The following ADK variants were observed in gnomAD, a reference collection of about 807,000 sequenced individuals.
ADK encodes the protein N6,N6-dimethyladenosine kinase.
A neutral mutation model predicts 44.7 loss-of-function variants in ADK; 24 were observed. That is an observed-to-expected ratio of 0.54 (90% CI 0.39 to 0.76). ADK has a LOEUF of 0.76. Ranked by LOEUF, ADK falls within the 30% of genes least tolerant of loss-of-function variation. The pLI is 0.00. For missense variants in ADK, 321 were observed against 425.1 expected (o/e 0.76, Z 2.15); for synonymous variants, 128 against 142.6 (o/e 0.90, Z 0.73).
At chr10:74,626,226 T>TTA (rs1464688689) in intron 9 of ADK, among the ~76,000 whole-genome samples, 1 of 152,104 alleles carries the variant, frequency 6.6e-6, no homozygotes, top group Non-Finnish European at 1.5e-5. Context: ...TAGTCATGGT[T>TTA]TAAGGGTCCA....
At chr10:74,217,245 G>A (rs538262029) in intron 2 of ADK, among the ~76,000 whole-genome samples, 48 of 152,332 alleles carry the variant, frequency 3.2e-4, no homozygotes, top group African/African-American at 1.2e-3. Context: ...AGGGTCCTAC[G>A]CCCACGGAGT....
At position 74,528,023 on chromosome 10, in the gene ADK, T is replaced by A. The variant is rs1213369930; in HGVS notation, c.726+2597T>A. On this transcript the variant is annotated intron_variant, in intron 7 of 10. Coordinates refer to ENST00000539909, the MANE Select transcript of ADK (RefSeq NM_006721.4). ...AGAAAAAAGCGATTGAGGGAATTTGTATTCGGCAATAAAACCCAGAGTAAA... is the reference window on the plus strand; with the variant it reads ...AGAAAAAAGCGATTGAGGGAATTTGAATTCGGCAATAAAACCCAGAGTAAA... 7.0e-6 allele frequency: 6 copies of A among 855,220 alleles called. No individual in the cohort carries two copies. The African/African-American group carries it at 1.0e-4, about 14-fold the overall frequency. 53.0% of individuals were successfully genotyped at this position (855,220 alleles called of 1,614,324 possible).
At chr10:74,366,913 G>A (rs1842515581) in intron 4 of ADK, among the ~76,000 whole-genome samples, 2 of 152,204 alleles carry the variant, frequency 1.3e-5, no homozygotes. Context: ...CTAGGTAACA[G>A]AGCGAGACCC....
chr10:74,503,724 T>G (rs1847954233), intron 6 of ADK, among the ~76,000 whole-genome samples: 1 of 152,086 alleles, frequency 6.6e-6, no homozygotes, highest in Non-Finnish European at 1.5e-5. Flanking sequence ...AAGAGCTAAT[T>G]TTTGTGGAAG....
At chr10:74,593,872 A>G (rs924839994) in intron 8 of ADK, among the ~76,000 whole-genome samples, 1 of 152,190 alleles carries the variant, frequency 6.6e-6, no homozygotes, top group African/African-American at 2.4e-5. Flanking sequence ...GTTGGTTCCA[A>G]GCCTTTGCTA....
intron 6 of ADK, among the ~76,000 whole-genome samples, chr10:74,456,049 G>A (rs898397706): frequency 3.9e-5 from 6 of 152,070 alleles, no homozygotes; most frequent in Non-Finnish European, 5.9e-5. Flanking sequence ...CAAGTTCTTA[G>A]AGACCTACAA....
At chr10:74,602,514 G>A (rs1852177840) in intron 9 of ADK, among the ~76,000 whole-genome samples, 1 of 152,088 alleles carries the variant, frequency 6.6e-6, no homozygotes, top group South Asian at 2.1e-4. Context: ...TCCCAAAATT[G>A]AAAATTAACC....
intron 6 of ADK, among the ~76,000 whole-genome samples, chr10:74,447,028 T>G (rs982846046): frequency 6.6e-6 from 1 of 152,080 alleles, no homozygotes; most frequent in African/African-American, 2.4e-5. Flanking sequence ...CTTAAACATC[T>G]CTCCACTACG....
At chr10:74,690,530 G>A (rs1855952736) in intron 10 of ADK, among the ~76,000 whole-genome samples, 1 of 152,176 alleles carries the variant, frequency 6.6e-6, no homozygotes, top group Non-Finnish European at 1.5e-5. Flanking sequence ...CAAGATCCTT[G>A]ACGATATGTC....
chr10:74,579,377 G>A (rs554205781), intron 7 of ADK, among the ~76,000 whole-genome samples: 1 of 152,062 alleles, frequency 6.6e-6, no homozygotes, highest in South Asian at 2.1e-4. Flanking sequence ...GGATCCTTTA[G>A]CATGTAATAC....
At chr10:74,502,470 T>G (rs972219766) in intron 6 of ADK, among the ~76,000 whole-genome samples, 4 of 152,152 alleles carry the variant, frequency 2.6e-5, no homozygotes, top group African/African-American at 9.7e-5. Context: ...ATTTTAAATG[T>G]AGTCTACATT....
At position 74,232,973 on chromosome 10, in the gene ADK, A is replaced by G. The variant is rs564575717; in HGVS notation, c.194+8382A>G. Among the ~76,000 whole-genome samples the G allele has an allele frequency of 2.0e-5, 3 of 152,346 alleles. No individual in the cohort carries two copies. The South Asian group carries it at 6.2e-4, about 32-fold the overall frequency. ...ACATGGTCTTATATTCATGAACGAT[A>G]GGTGAATGAAAAATGTGTGTTATTG... On this transcript the variant is annotated intron_variant, in intron 3 of 10. Transcript: ENST00000539909.
At chr10:74,196,769 C>T (rs961979944) in intron 1 of ADK, among the ~76,000 whole-genome samples, 4 of 152,110 alleles carry the variant, frequency 2.6e-5, no homozygotes, top group African/African-American at 9.7e-5. Flanking sequence ...GTACAACAAA[C>T]CCCCATGACA....
intron 6 of ADK, among the ~76,000 whole-genome samples, chr10:74,524,095 T>G (rs1244248098): frequency 1.3e-5 from 2 of 152,210 alleles, no homozygotes; most frequent in Non-Finnish European, 2.9e-5. Context: ...TTTACTTGTT[T>G]GTGCACCATC....
At chr10:74,298,840 A>G (rs1329256202) in intron 3 of ADK, among the ~76,000 whole-genome samples, 1 of 152,178 alleles carries the variant, frequency 6.6e-6, no homozygotes, top group East Asian at 1.9e-4. Flanking sequence ...GCTTCTTGGG[A>G]GGCTGAGATG....
chr10:74,700,934 T>C (rs559205205), intron 10 of ADK, among the ~76,000 whole-genome samples: 1 of 152,316 alleles, frequency 6.6e-6, no homozygotes, highest in Non-Finnish European at 1.5e-5. Flanking sequence ...AATCTTTTCT[T>C]AAGTAAAATG....
In ADK at chr10:74,207,575, C is replaced by T. The variant is rs373066436; in HGVS notation, c.140+6737C>T. On this transcript the variant is annotated intron_variant, in intron 2 of 10. Transcript: ENST00000539909. ...GTCGTCCTGACAAGTGTTCACCTCT[C>T]AGTGAGATGAGACCCCGAGGGGGTA... Among the ~76,000 whole-genome samples, 18 of 152,310 alleles carry T rather than the reference C, an allele frequency of 1.2e-4. No homozygotes were observed. In the East Asian group the frequency reaches 3.1e-3, roughly 26 times the overall value.
chr10:74,663,898 G>A (rs1252271661), intron 9 of ADK, among the ~76,000 whole-genome samples: 1 of 152,140 alleles, frequency 6.6e-6, no homozygotes, highest in Non-Finnish European at 1.5e-5. Flanking sequence ...ATCCTGATAT[G>A]TGTGTCCTAG....
chr10:74,573,835 G>A (rs912286482), intron 7 of ADK, among the ~76,000 whole-genome samples: 7 of 152,210 alleles, frequency 4.6e-5, no homozygotes, highest in Non-Finnish European at 1.0e-4. Flanking sequence ...ATCTCCTGGT[G>A]CGCCATTTTT....
Sources: gnomAD v4.1 joint callset for allele counts (sites outside exome capture counted in the v4.1 genomes callset) on GRCh38, gnomAD v4.1.1 for gene constraint, MANE v1.5 for transcripts, NCBI Gene and HGNC (gene_info 2026-07-23, HGNC 2026-07-21) for gene names.